The following ARMC2 variants were observed in gnomAD, a reference collection of about 807,000 sequenced individuals.
ARMC2 encodes the protein armadillo repeat containing 2.
Under a neutral mutation model 90.3 loss-of-function variants are expected in ARMC2, and 67 were observed. The observed-to-expected ratio is 0.74, with a 90% confidence interval of 0.61 to 0.91. ARMC2 has a LOEUF of 0.91. Ranked by LOEUF, ARMC2 falls within the 40% of genes least tolerant of loss-of-function variation. ARMC2 has a pLI of 0.00. For missense variants in ARMC2, 920 were observed against 1,030.9 expected, an observed-to-expected ratio of 0.89 and a Z score of 1.47; for synonymous variants, 393 against 393.0, an observed-to-expected ratio of 1.00 and a Z score of 0.00.
At chr6:109,009,509 A>AGCCGGCCGCGGCTCCTGGCT in the ARMC2 span, 1 of 1,203,088 alleles carries the variant, frequency 8.3e-7, no homozygotes, top group Non-Finnish European at 1.0e-6. Context: ...AGCGCTGGGC[A>AGCCGGCCGCGGCTCCTGGCT]GCCGGCCGCG....
chr6:108,912,227 G>A (rs1209201961), intron 9 of ARMC2, 108 bp from the exon 10 acceptor site: 3 of 804,306 alleles, frequency 3.7e-6, no homozygotes, highest in Admixed American at 3.1e-5. Context: ...TGTAGATTTT[G>A]ATAAATATAT....
intron 17 of ARMC2, among the ~76,000 whole-genome samples, chr6:108,972,302 A>G (rs971394045): frequency 6.6e-6 from 1 of 152,214 alleles, no homozygotes. Flanking sequence ...TGCATTATCC[A>G]TGGGCTCACT....
chr6:108,882,676 A>G (rs1777714872), intron 5 of ARMC2, among the ~76,000 whole-genome samples: 1 of 152,212 alleles, frequency 6.6e-6, no homozygotes. Flanking sequence ...AATGAATAAT[A>G]AAGCTATGAA....
the ARMC2 span, among the ~76,000 whole-genome samples, chr6:109,033,225 G>A: frequency 1.1e-4 from 16 of 152,182 alleles, no homozygotes; most frequent in Admixed American, 1.0e-3. Flanking sequence ...GAGTGCAGTG[G>A]TCTGGTTAAG....
intron 10 of ARMC2, among the ~76,000 whole-genome samples, chr6:108,917,120 A>G (rs1261359453): frequency 6.6e-6 from 1 of 152,046 alleles, no homozygotes; most frequent in Non-Finnish European, 1.5e-5. Flanking sequence ...TTACAGCCTG[A>G]CCCAGTTGAT....
chr6:109,036,432 G>C, the ARMC2 span, among the ~76,000 whole-genome samples: 1 of 152,126 alleles, frequency 6.6e-6, no homozygotes, highest in Non-Finnish European at 1.5e-5. Flanking sequence ...ATAAAAGATG[G>C]CATGGCACTA....
intron 5 of ARMC2, among the ~76,000 whole-genome samples, chr6:108,891,381 ATTCCTAT>A (rs1385123997): frequency 1.3e-5 from 2 of 152,216 alleles, no homozygotes; most frequent in Non-Finnish European, 2.9e-5. Flanking sequence ...GTGTAAAAGC[ATTCCTAT>A]TTCTCCACAT....
At chr6:108,918,950 T>A (rs1023773918) in intron 10 of ARMC2, among the ~76,000 whole-genome samples, 7 of 152,120 alleles carry the variant, frequency 4.6e-5, no homozygotes, top group African/African-American at 1.7e-4. Context: ...GAAGACAGAG[T>A]CCAAGATGAC....
intron 12 of ARMC2, among the ~76,000 whole-genome samples, chr6:108,951,036 C>T (rs1777142811): frequency 6.6e-6 from 1 of 152,206 alleles, no homozygotes; most frequent in Non-Finnish European, 1.5e-5. Flanking sequence ...CGAATCATTG[C>T]TCAGTACAAT....
In ARMC2 at chr6:108,954,909, TG is replaced by T. The variant is rs772760750; in HGVS notation, c.1915+1560del. Among the ~76,000 whole-genome samples, 10 of 152,328 alleles carry T rather than the reference TG, an allele frequency of 6.6e-5. No individual in the cohort carries two copies. The East Asian group carries it at 9.6e-4, about 15-fold the overall frequency. On this transcript the variant is annotated intron_variant, in intron 13 of 17. Coordinates refer to ENST00000392644, the MANE Select transcript of ARMC2 (RefSeq NM_032131.6). The stretch of plus-strand genomic sequence containing the variant: ...TGTATTTTCTCACAGTTCTGGAAAC[TG>T]GAAGTCTGAGACCGAGATGCCGGCA...
At chr6:108,863,234 C>A (rs900945626) in intron 3 of ARMC2, among the ~76,000 whole-genome samples, 1 of 152,078 alleles carries the variant, frequency 6.6e-6, no homozygotes, top group Non-Finnish European at 1.5e-5. Flanking sequence ...AGGTGTGCAC[C>A]ACCACACCTG....
the ARMC2 span, among the ~76,000 whole-genome samples, chr6:108,992,436 G>A: frequency 6.6e-6 from 1 of 151,982 alleles, no homozygotes; most frequent in Non-Finnish European, 1.5e-5. Flanking sequence ...TTTGAGCAAA[G>A]AAACAAAATC....
At chr6:108,990,847 G>A in the ARMC2 span, 29 of 1,608,896 alleles carry the variant, frequency 1.8e-5, no homozygotes, top group African/African-American at 1.7e-4. Flanking sequence ...TAAATACAGG[G>A]AATAGAACAA....
intron 10 of ARMC2, among the ~76,000 whole-genome samples, chr6:108,926,288 C>A (rs1471248207): frequency 1.3e-5 from 2 of 152,192 alleles, no homozygotes; most frequent in Non-Finnish European, 2.9e-5. Context: ...AGTTTTGAGG[C>A]ATCCTCTGAA....
At chr6:108,945,312 G>T in intron 12 of ARMC2, among the ~76,000 whole-genome samples, 1 of 152,146 alleles carries the variant, frequency 6.6e-6, no homozygotes, top group East Asian at 1.9e-4. Context: ...GGAAGAACAT[G>T]AAGGGATTTT....
At chr6:108,956,542 A>G (rs1403123804) in intron 13 of ARMC2, among the ~76,000 whole-genome samples, 1 of 150,936 alleles carries the variant, frequency 6.6e-6, no homozygotes, top group Non-Finnish European at 1.5e-5. Context: ...ATTAAAAAAA[A>G]AAAAAAAAAT....
At chr6:108,960,657 A>G (rs1321897544) in intron 13 of ARMC2, among the ~76,000 whole-genome samples, 2 of 152,206 alleles carry the variant, frequency 1.3e-5, no homozygotes, top group Admixed American at 6.5e-5. Context: ...GGTGAGAAAA[A>G]AGAGAATAGG....
chr6:109,039,108 G>A, the ARMC2 span, among the ~76,000 whole-genome samples: 1 of 144,108 alleles, frequency 6.9e-6, no homozygotes, highest in Non-Finnish European at 1.5e-5. Context: ...GGGAGGAGAA[G>A]GAGAAGGAAG....
chr6:108,849,676 C>T (rs1240253597), intron 1 of ARMC2, among the ~76,000 whole-genome samples: 2 of 152,172 alleles, frequency 1.3e-5, no homozygotes, highest in East Asian at 3.8e-4. Context: ...TTGTTAACAT[C>T]TTTAAGGGCC....
Sources: gnomAD v4.1 joint callset for allele counts (sites outside exome capture counted in the v4.1 genomes callset) on GRCh38, gnomAD v4.1.1 for gene constraint, MANE v1.5 for transcripts, NCBI Gene and HGNC (gene_info 2026-07-23, HGNC 2026-07-21) for gene names.